Variants in PRKG1 observed in about 807,000 individuals in gnomAD.
PRKG1 encodes the protein protein kinase cGMP-dependent 1.
A neutral mutation model predicts 88.1 loss-of-function variants in PRKG1; 35 were observed. That is an observed-to-expected ratio of 0.40 (90% CI 0.30 to 0.53). PRKG1 has a LOEUF of 0.53. PRKG1 is among the 20% of genes least tolerant of loss of function. The probability of loss-of-function intolerance (pLI) is 0.59; values close to 1 mark genes in which losing one functional copy is unlikely to be tolerated. For synonymous variants in PRKG1, 303 were observed against 292.5 expected (o/e 1.04, Z -0.37); for missense variants, 540 against 839.8 (o/e 0.64, Z 4.41).
intron 4 of PRKG1, among the ~76,000 whole-genome samples, chr10:51,819,514 T>C (rs1462354327): frequency 2.6e-5 from 4 of 152,178 alleles, no homozygotes; most frequent in African/African-American, 7.2e-5. Flanking sequence ...CAAGAACCTG[T>C]CTATATGTCT....
intron 5 of PRKG1, among the ~76,000 whole-genome samples, chr10:52,026,430 T>A (rs1373984328): frequency 6.6e-6 from 1 of 152,212 alleles, no homozygotes; most frequent in Non-Finnish European, 1.5e-5. Flanking sequence ...AGAAACATTA[T>A]GCCAAGTGAA....
At chr10:51,153,437 T>C (rs528189637) in intron 2 of PRKG1, 107 bp downstream of exon 2, 4 of 1,114,150 alleles carry the variant, frequency 3.6e-6, no homozygotes, top group Non-Finnish European at 4.9e-6. Context: ...TTTTCCTTCT[T>C]TTATTGAGAA....
At chr10:51,948,350 G>A (rs1341658911) in intron 5 of PRKG1, among the ~76,000 whole-genome samples, 2 of 152,066 alleles carry the variant, frequency 1.3e-5, no homozygotes, top group African/African-American at 2.4e-5. Context: ...TTCCTAAGTA[G>A]TAATTTTGTC....
At chr10:51,658,297 CCT>C (rs1427423282) in intron 3 of PRKG1, among the ~76,000 whole-genome samples, 2 of 152,074 alleles carry the variant, frequency 1.3e-5, no homozygotes, top group African/African-American at 4.8e-5. Flanking sequence ...GAGGATCTGG[CCT>C]CTCTGCCACC....
chr10:51,318,150 C>G (rs748683517), intron 2 of PRKG1, among the ~76,000 whole-genome samples: 1 of 152,280 alleles, frequency 6.6e-6, no homozygotes, highest in South Asian at 2.1e-4. Context: ...GTGTCCTCAG[C>G]CTTTTGTTCA....
chr10:51,272,589 G>C (rs989356453), intron 2 of PRKG1, among the ~76,000 whole-genome samples: 13 of 152,080 alleles, frequency 8.5e-5, no homozygotes, highest in Non-Finnish European at 1.6e-4. Flanking sequence ...TCAAAAATTA[G>C]TAGAAAGGGA....
At chr10:52,076,436 G>A (rs1432472249) in intron 7 of PRKG1, among the ~76,000 whole-genome samples, 1 of 152,102 alleles carries the variant, frequency 6.6e-6, no homozygotes, top group Admixed American at 6.5e-5. Context: ...GTGCACCTGT[G>A]ATCCCAGCTG....
intron 2 of PRKG1, among the ~76,000 whole-genome samples, chr10:51,174,879 A>G (rs1564627486): frequency 4.6e-5 from 7 of 152,030 alleles, no homozygotes; most frequent in Admixed American, 3.9e-4. Context: ...CAGAAGCTGC[A>G]TTTGCCCTAC....
At chr10:51,820,792 A>G (rs1839723796) in intron 4 of PRKG1, among the ~76,000 whole-genome samples, 1 of 152,290 alleles carries the variant, frequency 6.6e-6, no homozygotes, top group South Asian at 2.1e-4. Flanking sequence ...GATCTTTTCT[A>G]GTTTTGATGG....
rs952255976 is a variant in PRKG1 at position 51,614,720 on chromosome 10, A to G, written c.592+146884A>G. 9.9e-5 allele frequency among the ~76,000 whole-genome samples: 15 copies of G among 151,744 alleles called. No homozygotes were observed. The East Asian group carries it at 2.9e-3, about 29-fold the overall frequency. On this transcript the variant is annotated intron_variant, in intron 3 of 17. Coordinates refer to ENST00000373980, the MANE Select transcript of PRKG1 (RefSeq NM_006258.4). ...TGTTTGCTTTACCAGTGCATTTCAT[A>G]CTTTTGTGTTTTCATGATGGTAAAT... is the stretch of plus-strand genomic sequence containing the variant.
intron 2 of PRKG1, among the ~76,000 whole-genome samples, chr10:51,313,533 C>G (rs888701280): frequency 2.0e-5 from 3 of 152,122 alleles, no homozygotes; most frequent in African/African-American, 7.2e-5. Context: ...TTCTTTGGAC[C>G]TTCCAGCACG....
intron 4 of PRKG1, among the ~76,000 whole-genome samples, chr10:51,856,903 G>A (rs1156976043): frequency 6.6e-6 from 1 of 150,956 alleles, no homozygotes; most frequent in Non-Finnish European, 1.5e-5. Context: ...GGCGGAGGTT[G>A]CAGTGAGCTG....
intron 7 of PRKG1, among the ~76,000 whole-genome samples, chr10:52,123,149 T>A (rs974990301): frequency 9.2e-5 from 14 of 152,292 alleles, no homozygotes; most frequent in East Asian, 1.9e-4. Flanking sequence ...GTATGTCAGA[T>A]AAAAAATTCA....
intron 5 of PRKG1, among the ~76,000 whole-genome samples, chr10:51,917,136 G>A (rs2132969641): frequency 6.6e-6 from 1 of 152,104 alleles, no homozygotes; most frequent in South Asian, 2.1e-4. Context: ...TGCCCAACAT[G>A]GTGAAACCCC....
rs2132207447 is a variant in PRKG1 at position 51,283,743 on chromosome 10, C to T, written c.478+130413C>T. Among the ~76,000 whole-genome samples the T allele has an allele frequency of 2.0e-5, 3 of 152,074 alleles. No homozygotes were observed. The East Asian group carries it at 5.8e-4, about 29-fold the overall frequency. ...AGAAAAAATTATGCAAAGAATAAAC[C>T]AGCTACTTTAAAATTGTGTTATAGC... On this transcript the variant is annotated intron_variant, in intron 2 of 17. Transcript: ENST00000373980.
intron 6 of PRKG1, among the ~76,000 whole-genome samples, chr10:52,055,404 G>T (rs943340608): frequency 1.3e-5 from 2 of 152,098 alleles, no homozygotes; most frequent in African/African-American, 2.4e-5. Context: ...TATAAAGGAA[G>T]GGGTAAAAAT....
intron 3 of PRKG1, among the ~76,000 whole-genome samples, chr10:51,505,828 A>AT (rs1430494077): frequency 5.3e-5 from 8 of 151,882 alleles, no homozygotes; most frequent in African/African-American, 9.7e-5. Context: ...CCCCTTTATC[A>AT]TTTTTTATTG....
chr10:51,723,627 GAA>G (rs1842065966), intron 3 of PRKG1, among the ~76,000 whole-genome samples: 1 of 121,246 alleles, frequency 8.2e-6, no homozygotes, highest in Admixed American at 7.7e-5. Context: ...CAAAAAAAAA[GAA>G]AAAGTTATCT....
At chr10:51,878,282 C>A (rs2132873359) in intron 4 of PRKG1, among the ~76,000 whole-genome samples, 1 of 151,288 alleles carries the variant, frequency 6.6e-6, no homozygotes, top group East Asian at 1.9e-4. Flanking sequence ...CACTGCTCAC[C>A]ATTAAAGTAT....
Sources: allele counts gnomAD v4.1 joint callset (sites outside exome capture counted in the v4.1 genomes callset), GRCh38; gene constraint gnomAD v4.1.1; transcripts MANE v1.5; gene names NCBI Gene and HGNC (gene_info 2026-07-23, HGNC 2026-07-21).